The following RALGPS1 variants were observed in gnomAD, a reference collection of about 807,000 sequenced individuals.
The protein encoded by RALGPS1 is ras-specific guanine nucleotide-releasing factor RalGPS1.
RALGPS1 carries 19 observed loss-of-function variants against 78.8 expected under a neutral mutation model. That is an observed-to-expected ratio of 0.24 (90% CI 0.17 to 0.35). The LOEUF (loss-of-function observed/expected upper bound fraction) is 0.35, where lower values mean the gene tolerates loss of function less well. Among genes scored for constraint, RALGPS1 ranks in the 10% least tolerant of loss-of-function variants. The pLI is 1.00. For missense variants in RALGPS1, 454 were observed against 688.3 expected (o/e 0.66, Z 3.81); for synonymous variants, 228 against 256.3 (o/e 0.89, Z 1.06).
chr9:127,049,726 C>G (rs144515640), intron 5 of RALGPS1, among the ~76,000 whole-genome samples: 3 of 152,322 alleles, frequency 2.0e-5, no homozygotes, highest in East Asian at 1.9e-4. Context: ...CAGTCTGATT[C>G]ATCTCAGGAT....
At chr9:126,948,029 A>G (rs1255786853) in intron 1 of RALGPS1, among the ~76,000 whole-genome samples, 3 of 152,034 alleles carry the variant, frequency 2.0e-5, no homozygotes, top group Non-Finnish European at 4.4e-5. Context: ...TTATATTTAT[A>G]TCCCTGTATA....
chr9:127,082,974 G>T (rs2051325723), intron 8 of RALGPS1, among the ~76,000 whole-genome samples: 1 of 152,192 alleles, frequency 6.6e-6, no homozygotes, highest in African/African-American at 2.4e-5. Flanking sequence ...TGTCATGTTA[G>T]TTAGCCACCT....
At chr9:127,062,417 G>T (rs1427989297) in intron 7 of RALGPS1, among the ~76,000 whole-genome samples, 1 of 152,116 alleles carries the variant, frequency 6.6e-6, no homozygotes, top group African/African-American at 2.4e-5. Context: ...TTTTTAAAAA[G>T]ATAAAATCAT....
intron 1 of RALGPS1, among the ~76,000 whole-genome samples, chr9:126,923,143 G>A (rs991928035): frequency 6.6e-6 from 1 of 152,150 alleles, no homozygotes; most frequent in African/African-American, 2.4e-5. Flanking sequence ...AAAATGAGAA[G>A]GTTGTTAGAT....
chr9:127,055,040 A>AGAGAGAGAGAGAGAGAGAGAGAG (rs1589236060), intron 7 of RALGPS1, among the ~76,000 whole-genome samples: 1 of 146,758 alleles, frequency 6.8e-6, no homozygotes, highest in African/African-American at 2.6e-5. Flanking sequence ...AGAGAGAGAG[A>AGAGAGAGAGAGAGAGAGAGAGAG]AGAAATCTCC....
At chr9:127,116,539 G>C (rs1352846809) in intron 8 of RALGPS1, among the ~76,000 whole-genome samples, 1 of 152,238 alleles carries the variant, frequency 6.6e-6, no homozygotes, top group Non-Finnish European at 1.5e-5. Flanking sequence ...GTTGGCTGCT[G>C]CATTTCCGGC....
intron 4 of RALGPS1, chr9:126,978,182 A>T (rs1201096812): frequency 6.5e-6 from 1 of 153,986 alleles, no homozygotes; most frequent in Non-Finnish European, 1.4e-5. Context: ...ACATATTTAC[A>T]TTGAAAGCAT....
intron 1 of RALGPS1, among the ~76,000 whole-genome samples, chr9:126,958,701 T>A (rs955615749): frequency 5.9e-5 from 9 of 152,252 alleles, no homozygotes; most frequent in African/African-American, 2.2e-4. Context: ...AGCTTTTGGC[T>A]TTTATGAATA....
At chr9:127,153,911 A>G (rs1246462248) in intron 8 of RALGPS1, among the ~76,000 whole-genome samples, 2 of 152,228 alleles carry the variant, frequency 1.3e-5, no homozygotes, top group African/African-American at 4.8e-5. Context: ...CCGGGAGACC[A>G]CAGTCCAGAG....
chr9:126,918,471 G>A (rs550127737), intron 1 of RALGPS1, among the ~76,000 whole-genome samples: 3 of 151,992 alleles, frequency 2.0e-5, no homozygotes, highest in African/African-American at 4.8e-5. Flanking sequence ...CAAGTACTGC[G>A]CCACAACACC....
At chr9:127,088,888 C>G in intron 8 of RALGPS1, 1 of 1,608,494 alleles carries the variant, frequency 6.2e-7, no homozygotes, top group Non-Finnish European at 8.5e-7. Flanking sequence ...GCCAGCGTGA[C>G]CAGGGTGGGC....
chr9:126,995,914 C>A (rs1016324024), intron 4 of RALGPS1, among the ~76,000 whole-genome samples: 6 of 151,644 alleles, frequency 4.0e-5, no homozygotes, highest in African/African-American at 1.4e-4. Context: ...AACTGAACAA[C>A]CTGCTCCTGA....
chr9:126,986,600 C>A (rs2417045), intron 4 of RALGPS1, among the ~76,000 whole-genome samples: 12,448 of 152,234 alleles, frequency 0.082, 1,711 homozygotes, highest in African/African-American at 0.28. Flanking sequence ...GAGTTGAAGG[C>A]GCAGCAGTGT....
chr9:127,149,322 C>T (rs990258304), intron 8 of RALGPS1, among the ~76,000 whole-genome samples: 1 of 152,212 alleles, frequency 6.6e-6, no homozygotes, highest in African/African-American at 2.4e-5. Context: ...TGAGAAATCT[C>T]AGAAGGTTTT....
intron 5 of RALGPS1, among the ~76,000 whole-genome samples, chr9:127,035,485 A>AT (rs2046787299): frequency 6.6e-6 from 1 of 152,018 alleles, no homozygotes. Flanking sequence ...CTTCATTCTT[A>AT]TTTTTCTGGT....
intron 4 of RALGPS1, among the ~76,000 whole-genome samples, chr9:127,015,746 A>G (rs2044753928): frequency 6.6e-6 from 1 of 151,980 alleles, no homozygotes; most frequent in Non-Finnish European, 1.5e-5. Context: ...AACATGGAAA[A>G]CATGTGGGAC....
At chr9:126,963,298 C>T (rs773705928) in intron 2 of RALGPS1, among the ~76,000 whole-genome samples, 48 of 151,886 alleles carry the variant, frequency 3.2e-4, no homozygotes, top group Non-Finnish European at 5.9e-4. Flanking sequence ...CTTCTATTTC[C>T]ATTTAGAGTG....
At chr9:127,132,165 T>C (rs1046532247) in intron 8 of RALGPS1, among the ~76,000 whole-genome samples, 13 of 152,320 alleles carry the variant, frequency 8.5e-5, no homozygotes, top group Non-Finnish European at 1.6e-4. Context: ...TCCTGGGAGC[T>C]GGCTGTCTTG....
At chr9:127,171,069 C>T (rs559476103) in intron 10 of RALGPS1, among the ~76,000 whole-genome samples, 1 of 152,356 alleles carries the variant, frequency 6.6e-6, no homozygotes, top group African/African-American at 2.4e-5. Flanking sequence ...ACATTCTCCC[C>T]CATCTGCTTT....
Sources: gnomAD v4.1 joint callset for allele counts (sites outside exome capture counted in the v4.1 genomes callset) on GRCh38, gnomAD v4.1.1 for gene constraint, MANE v1.5 for transcripts, NCBI Gene and HGNC (gene_info 2026-07-23, HGNC 2026-07-21) for gene names.